Variants in PON2 observed in about 807,000 individuals in gnomAD.
PON2 encodes paraoxonase 2.
In PON2, 27 loss-of-function variants were observed where a neutral mutation model predicts 36.6. That is an observed-to-expected ratio of 0.74 (90% confidence interval 0.54 to 1.02). The LOEUF (loss-of-function observed/expected upper bound fraction) is 1.02, where lower values mean the gene tolerates loss of function less well. PON2 is among the 50% of genes least tolerant of loss of function. The probability of loss-of-function intolerance (pLI) is 0.00; values close to 1 mark genes in which losing one functional copy is unlikely to be tolerated. For synonymous variants in PON2, 149 were observed against 156.3 expected, an observed-to-expected ratio of 0.95 and a Z score of 0.35; for missense variants, 363 against 421.1, an observed-to-expected ratio of 0.86 and a Z score of 1.21.
chr7:95,416,283 C>A lies in PON2; in HGVS notation c.160G>T (p.Asp54Tyr). 1 of 1,613,812 alleles carries A rather than the reference C, an allele frequency of 6.2e-7. No individual in the cohort carries two copies. The highest frequency in any genetic ancestry group is 8.5e-7 in the Non-Finnish European group (1 of 1,179,734). ...LIKGIEAGSE[D>Y]IDILPNGLAF... ...AGACCATTGGGAAGTATGTCAATAT[C>A]TTCAGAGCCAGCTTCTGTAAGTTTA... The change falls in exon 3 of 9, where the codon GAT becomes TAT. Residue 54 changes from aspartate (D) to tyrosine (Y), a missense_variant. Coordinates refer to ENST00000222572, the MANE Select transcript of PON2 (RefSeq NM_000305.3).
At chr7:95,416,064 GTCT>G in intron 3 of PON2, 175 bp downstream of exon 3, 1 of 1,155,620 alleles carries the variant, frequency 8.7e-7, no homozygotes, top group Non-Finnish European at 1.2e-6. Flanking sequence ...TGGGCAAAGA[GTCT>G]TCATCTCTAC....
chr7:95,420,757 GT>G (rs1789173553), intron 2 of PON2, among the ~76,000 whole-genome samples: 1 of 152,152 alleles, frequency 6.6e-6, no homozygotes, highest in Non-Finnish European at 1.5e-5. Context: ...AGCTACTACT[GT>G]TTTCAAAACA....
intron 1 of PON2, among the ~76,000 whole-genome samples, chr7:95,432,413 T>TA (rs1789464014): frequency 6.6e-6 from 1 of 151,728 alleles, no homozygotes; most frequent in Non-Finnish European, 1.5e-5. Context: ...TGTGTCAAAA[T>TA]AAAAAACAAA....
chr7:95,407,012 G>A lies in PON2; in HGVS notation c.752C>T (p.Thr251Ile), dbSNP rs758339096. ...CTTCAACTGAGTTAAATTCATATTA[G>A]TGTGTTTTTCCAAAACATGAATTTC... ...AHEIHVLEKHTNMNLTQLKVL... is the reference protein window; with the variant it reads ...AHEIHVLEKHINMNLTQLKVL... The change falls in exon 7 of 9, where the codon ACT (threonine) becomes ATT (isoleucine). Residue 251 changes from threonine (T) to isoleucine (I), a missense_variant. Thr to Ile is a moderately conservative substitution (Grantham distance 89). Transcript: ENST00000222572. 34 of 1,577,214 alleles carry A rather than the reference G, an allele frequency of 2.2e-5. No individual in the cohort carries two copies. Among genetic ancestry groups the A allele is most frequent in the Non-Finnish European group, 2.8e-5 (32 of 1,147,418 alleles).
chr7:95,412,204 A>G, intron 4 of PON2, 108 bp downstream of exon 4: 2 of 1,407,180 alleles, frequency 1.4e-6, no homozygotes, highest in South Asian at 1.2e-5. Flanking sequence ...GAAATCACTC[A>G]TGAGTTAATT....
At position 95,412,419 on chromosome 7, in the gene PON2, A is replaced by T; in HGVS notation, c.260T>A (p.Met87Lys). 6.2e-7 allele frequency: 1 copy of T among 1,614,114 alleles called. No homozygotes were observed. Among genetic ancestry groups the T allele is most frequent in the Non-Finnish European group, 8.5e-7 (1 of 1,179,990 alleles). Reference protein sequence around the residue: ...FAPDKPGGILMMDLKEEKPRA... With the variant: ...FAPDKPGGILKMDLKEEKPRA... Reference sequence around the variant, plus strand: ...TGGTTTTTCTTCTTTTAGATCCATCATTAGTATTCCTCCAGGCTTATCTGG... The same window carrying T: ...TGGTTTTTCTTCTTTTAGATCCATCTTTAGTATTCCTCCAGGCTTATCTGG... The change falls in exon 4 of 9, where the codon ATG becomes AAG. Residue 87 changes from methionine to lysine, a missense_variant. By Grantham distance (95) the Met-to-Lys change is moderately conservative (BLOSUM62 -1). Transcript: ENST00000222572.
chr7:95,410,622 C>A (rs573027101), intron 5 of PON2, among the ~76,000 whole-genome samples: 1 of 152,148 alleles, frequency 6.6e-6, no homozygotes, highest in Non-Finnish European at 1.5e-5. Context: ...AATGAACAGG[C>A]ACTCAATAAA....
intron 2 of PON2, among the ~76,000 whole-genome samples, chr7:95,417,030 T>C (rs1789078891): frequency 6.6e-6 from 1 of 152,182 alleles, no homozygotes; most frequent in Admixed American, 6.5e-5. Context: ...TCTCACTGTA[T>C]AAATTCTACA....
rs1183901052 is a variant in PON2 at position 95,434,907 on chromosome 7, C to T, written c.45G>A (p.Ala15=). ...VAVGLLGIAL[A]LLGERLLALR... ...GTGCCAGAAGCCTCTCGCCCAGGAG[C>T]GCCAGCGCGATCCCCAGCAAGCCCA... The change falls in exon 1 of 9, where the codon GCG becomes GCA. Residue 15 remains alanine, a synonymous_variant. Transcript: ENST00000222572. The T allele has an allele frequency of 3.2e-6, 5 of 1,539,474 alleles. No homozygotes were observed. Among genetic ancestry groups the T allele is most frequent in the Non-Finnish European group, 8.7e-7 (1 of 1,145,092 alleles).
chr7:95,429,249 G>A (rs192273542), intron 1 of PON2, among the ~76,000 whole-genome samples: 7 of 141,614 alleles, frequency 4.9e-5, no homozygotes, highest in African/African-American at 1.6e-4. Context: ...TGTTCTCATT[G>A]TTCAATTCCC....
Position 95,407,040 on chromosome 7 carries a change from G to A in PON2, c.724C>T (p.His242Tyr), listed in dbSNP as rs923242943. Residue 242 changes from histidine to tyrosine, a missense_variant, in exon 7 of 9, where the codon CAT becomes TAT. Physicochemically the swap from His to Tyr is moderately conservative, Grantham distance 83. Transcript: ENST00000222572. ...TGTTTTTCCAAAACATGAATTTCATGAGCCAATATGTCAGCAACATAGATA... is the reference window on the plus strand; with the variant it reads ...TGTTTTTCCAAAACATGAATTTCATAAGCCAATATGTCAGCAACATAGATA... ...KYIYVADILA[H>Y]EIHVLEKHTN... 2 of 1,597,742 alleles carry A rather than the reference G, an allele frequency of 1.3e-6. No homozygotes were observed. The highest frequency in any genetic ancestry group is 1.3e-5 in the African/African-American group (1 of 74,602).
intron 3 of PON2, chr7:95,415,357 G>A (rs1009311077): frequency 3.6e-4 from 55 of 152,224 alleles, no homozygotes; most frequent in African/African-American, 1.3e-3. Flanking sequence ...TGTTTTTAAA[G>A]TCTTTCTATT....
At chr7:95,408,794 G>A (rs1053910016) in intron 6 of PON2, among the ~76,000 whole-genome samples, 3 of 152,196 alleles carry the variant, frequency 2.0e-5, no homozygotes, top group Non-Finnish European at 4.4e-5. Flanking sequence ...CTTATAGGTT[G>A]TGGTTGTGCA....
In PON2 at chr7:95,411,392, G is replaced by A. The variant is rs79504855; in HGVS notation, c.494+261C>T. Among the ~76,000 whole-genome samples the A allele has an allele frequency of 8.5e-4, 130 of 152,126 alleles. 2 individuals carry two copies. The East Asian group carries it at 0.022, about 26-fold the overall frequency. On this transcript the variant is annotated intron_variant, in intron 5 of 8. Transcript: ENST00000222572. Reference sequence around the variant, plus strand: ...GCCTGAAGAGTATCACCCTGTAGTCGGGCACTTCATCATTTCTCAAAGGAG... The same window carrying A: ...GCCTGAAGAGTATCACCCTGTAGTCAGGCACTTCATCATTTCTCAAAGGAG...
chr7:95,411,982 T>C (rs527853875), intron 4 of PON2, among the ~76,000 whole-genome samples: 183 of 152,330 alleles, frequency 1.2e-3, no homozygotes, highest in Non-Finnish European at 2.2e-3. Context: ...AAGAAAGTGT[T>C]TCCTACTCCA....
At chr7:95,428,123 A>C (rs1374437325) in intron 1 of PON2, among the ~76,000 whole-genome samples, 1 of 152,252 alleles carries the variant, frequency 6.6e-6, no homozygotes, top group Non-Finnish European at 1.5e-5. Context: ...AGCCTCAGAC[A>C]CATTGTTTCG....
At chr7:95,407,796 A>G (rs1032295719) in intron 6 of PON2, among the ~76,000 whole-genome samples, 4 of 152,162 alleles carry the variant, frequency 2.6e-5, no homozygotes, top group African/African-American at 7.2e-5. Flanking sequence ...GAAATAGTTC[A>G]GGTCTAGAAA....
At chr7:95,434,785 G>T in intron 1 of PON2, 93 bp downstream of exon 1, 1 of 1,408,008 alleles carries the variant, frequency 7.1e-7, no homozygotes. Flanking sequence ...AGGTCCCGCA[G>T]GAATCCCTCC....
intron 1 of PON2, among the ~76,000 whole-genome samples, chr7:95,425,595 T>C (rs1372810240): frequency 6.6e-6 from 1 of 152,198 alleles, no homozygotes; most frequent in East Asian, 1.9e-4. Context: ...AAATAGCTAT[T>C]TGCCATGTGT....
Sources: gnomAD v4.1 joint callset for allele counts (sites outside exome capture counted in the v4.1 genomes callset) on GRCh38, gnomAD v4.1.1 for gene constraint, MANE v1.5 for transcripts, NCBI Gene and HGNC (gene_info 2026-07-23, HGNC 2026-07-21) for gene names.